SLIT3: variants seen among roughly 807,000 people sequenced by gnomAD.
SLIT3 encodes slit guidance ligand 3, also known as slit homolog 3 protein.
A neutral mutation model predicts 184.0 loss-of-function variants in SLIT3; 68 were observed. The ratio of observed to expected loss-of-function variants is 0.37; its 90% CI spans 0.30 to 0.45. The LOEUF (loss-of-function observed/expected upper bound fraction) is 0.45. Among genes scored for constraint, SLIT3 ranks in the 20% least tolerant of loss-of-function variants. The pLI, the probability that SLIT3 is intolerant of heterozygous loss-of-function variation, is 1.00. For synonymous variants in SLIT3, 831 were observed against 828.6 expected, an observed-to-expected ratio of 1.00 and a Z score of -0.05; for missense variants, 1,707 against 2,026.0, an observed-to-expected ratio of 0.84 and a Z score of 3.02.
chr5:169,077,309 G>A (rs968238868), intron 4 of SLIT3, among the ~76,000 whole-genome samples: 5 of 152,050 alleles, frequency 3.3e-5, no homozygotes, highest in Non-Finnish European at 5.9e-5. Flanking sequence ...AGGCTGAGGC[G>A]GGCGGATCAC....
chr5:169,036,227 G>C (rs1177836352), intron 4 of SLIT3: 1 of 152,202 alleles, frequency 6.6e-6, no homozygotes, highest in Non-Finnish European at 1.5e-5. Flanking sequence ...ATGGTTTCCA[G>C]CAGTCCCTGA....
chr5:168,669,655 CAG>C, intron 35 of SLIT3, 126 bp downstream of exon 35: 1 of 719,138 alleles, frequency 1.4e-6, no homozygotes, highest in Non-Finnish European at 2.4e-6. Flanking sequence ...AATTGAGGCT[CAG>C]AAAGTGACTG....
In SLIT3 at chr5:168,749,645, G is replaced by A. The variant is rs137942366; in HGVS notation, c.1974-10C>T. The A allele has an allele frequency of 6.2e-7, 1 of 1,614,110 alleles. No individual in the cohort carries two copies. ...GTTGGACAGGAGGTTTCTAGGAAGA[G>A]AGAAGGGTGCTTAGCCTCCATCCTT... is the stretch of plus-strand genomic sequence containing the variant. On this transcript the variant is annotated splice_polypyrimidine_tract_variant and intron_variant, in intron 18 of 35. Coordinates refer to ENST00000519560, the MANE Select transcript of SLIT3 (RefSeq NM_003062.4).
Position 168,672,871 on chromosome 5 carries a change from T to C in SLIT3, c.3841+306A>G, listed in dbSNP as rs538527354. Among the ~76,000 whole-genome samples the C allele has an allele frequency of 5.9e-5, 9 of 152,292 alleles. No individual in the cohort carries two copies. The South Asian group carries it at 1.9e-3, about 32-fold the overall frequency. ...AGGAGGTGGCAGAGCAGAGGGAATA[T>C]GACCTGAAGCTGGCAGACTTCAGCA... On this transcript the variant is annotated intron_variant, in intron 33 of 35. Coordinates refer to ENST00000519560, the MANE Select transcript of SLIT3 (RefSeq NM_003062.4).
At chr5:169,216,703 G>A (rs1449672636) in intron 3 of SLIT3, among the ~76,000 whole-genome samples, 2 of 152,164 alleles carry the variant, frequency 1.3e-5, no homozygotes, top group Non-Finnish European at 1.5e-5. Context: ...TACCTGTGAG[G>A]ATGTGAGGGC....
intron 4 of SLIT3, among the ~76,000 whole-genome samples, chr5:168,938,031 G>A (rs1216799720): frequency 6.6e-6 from 1 of 152,160 alleles, no homozygotes; most frequent in Non-Finnish European, 1.5e-5. Context: ...CTGCGGATCT[G>A]TATATTTATT....
chr5:168,893,476 A>AAGGGGAAGGC (rs978149345), intron 4 of SLIT3, among the ~76,000 whole-genome samples: 5 of 152,128 alleles, frequency 3.3e-5, no homozygotes, highest in South Asian at 2.1e-4. Flanking sequence ...CTGGCTGGAC[A>AAGGGGAAGGC]AGGGGAAGGC....
intron 4 of SLIT3, chr5:169,022,721 T>C (rs1756648866): frequency 6.6e-6 from 1 of 152,080 alleles, no homozygotes; most frequent in Non-Finnish European, 1.5e-5. Flanking sequence ...CAGGAAGAAG[T>C]TTCAGGCCCC....
intron 3 of SLIT3, among the ~76,000 whole-genome samples, chr5:169,227,520 T>A (rs748817574): frequency 1.3e-5 from 2 of 152,180 alleles, no homozygotes; most frequent in Non-Finnish European, 2.9e-5. Context: ...CTCCCCCTCC[T>A]GGGCTCAAGT....
At chr5:168,986,007 C>T (rs1012541230) in intron 4 of SLIT3, among the ~76,000 whole-genome samples, 9 of 152,084 alleles carry the variant, frequency 5.9e-5, no homozygotes, top group African/African-American at 2.2e-4. Flanking sequence ...CTGAAAGGCA[C>T]TTCATCATGT....
At chr5:168,841,292 T>C (rs1758238825) in intron 6 of SLIT3, among the ~76,000 whole-genome samples, 1 of 152,196 alleles carries the variant, frequency 6.6e-6, no homozygotes, top group Non-Finnish European at 1.5e-5. Context: ...ACAGTAGTTC[T>C]ATTGAGAGAT....
intron 3 of SLIT3, among the ~76,000 whole-genome samples, chr5:169,226,620 C>T (rs1036066440): frequency 6.6e-6 from 1 of 152,164 alleles, no homozygotes; most frequent in Non-Finnish European, 1.5e-5. Context: ...ACACAAAGCA[C>T]CAAGCACAGT....
intron 14 of SLIT3, 44 bp downstream of exon 14, chr5:168,772,737 C>T (rs758363605): frequency 1.2e-6 from 2 of 1,610,646 alleles, no homozygotes; most frequent in South Asian, 2.2e-5. Context: ...GGGGCTGCTG[C>T]ATTCTGAGTC....
chr5:169,214,022 T>A (rs1195748232), intron 3 of SLIT3, among the ~76,000 whole-genome samples: 1 of 152,206 alleles, frequency 6.6e-6, no homozygotes, highest in East Asian at 1.9e-4. Flanking sequence ...TGGTGAGAGC[T>A]AAGCCATGAG....
intron 4 of SLIT3, among the ~76,000 whole-genome samples, chr5:169,101,322 A>G (rs1022739898): frequency 6.6e-6 from 1 of 152,202 alleles, no homozygotes; most frequent in Non-Finnish European, 1.5e-5. Flanking sequence ...ACGTGGGTAA[A>G]GCTGAAGTTT....
chr5:169,217,478 T>G (rs1166118653), intron 3 of SLIT3, among the ~76,000 whole-genome samples: 1 of 152,044 alleles, frequency 6.6e-6, no homozygotes, highest in East Asian at 1.9e-4. Context: ...GGGGAGCATA[T>G]TTGAATGTTG....
chr5:168,895,758 G>A (rs1160125651), intron 4 of SLIT3, among the ~76,000 whole-genome samples: 1 of 152,238 alleles, frequency 6.6e-6, no homozygotes. Flanking sequence ...TTGACTACAG[G>A]AGAATAGATG....
chr5:169,133,908 G>A lies in SLIT3; in HGVS notation c.413+59571C>T, dbSNP rs142948572. Among the ~76,000 whole-genome samples, 587 of 152,318 alleles carry A rather than the reference G, an allele frequency of 3.9e-3. 3 individuals are homozygous for A. The highest frequency in any genetic ancestry group is 0.013 in the African/African-American group (549 of 41,568). ...AGCATGGCATAATTACTGTTCCGAT[G>A]GAGTCTTGTGTATATGCCAAACAAA... On this transcript the variant is annotated intron_variant, in intron 4 of 35. Transcript: ENST00000519560.
intron 4 of SLIT3, among the ~76,000 whole-genome samples, chr5:169,069,523 C>G (rs1421999783): frequency 6.6e-6 from 1 of 152,072 alleles, no homozygotes; most frequent in Non-Finnish European, 1.5e-5. Context: ...ACCCTGGGTG[C>G]CGAGGGAACT....
Sources: gnomAD v4.1 joint callset for allele counts (sites outside exome capture counted in the v4.1 genomes callset) on GRCh38, gnomAD v4.1.1 for gene constraint, MANE v1.5 for transcripts, NCBI Gene and HGNC (gene_info 2026-07-23, HGNC 2026-07-21) for gene names.